Variants in SYNE3 observed in about 807,000 individuals in gnomAD.
SYNE3 encodes nesprin-3.
A neutral mutation model predicts 111.2 loss-of-function variants in SYNE3; 100 were observed. The observed-to-expected ratio is 0.90, with a 90% CI of 0.77 to 1.06. The LOEUF (loss-of-function observed/expected upper bound fraction) is 1.06. SYNE3 is among the 50% of genes least tolerant of loss of function. SYNE3 has a pLI of 0.00. For synonymous variants in SYNE3, 547 were observed against 533.9 expected, an observed-to-expected ratio of 1.02 and a Z score of -0.34; for missense variants, 1,160 against 1,240.3, an observed-to-expected ratio of 0.94 and a Z score of 0.97.
intron 2 of SYNE3, among the ~76,000 whole-genome samples, chr14:95,473,525 A>T (rs1888663582): frequency 6.6e-6 from 1 of 152,038 alleles, no homozygotes; most frequent in South Asian, 2.1e-4. Flanking sequence ...CCAGACCCAC[A>T]CAAAAAAGCA....
chr14:95,493,857 CA>C (rs1464894468), intron 1 of SYNE3, among the ~76,000 whole-genome samples: 2 of 152,250 alleles, frequency 1.3e-5, no homozygotes, highest in Non-Finnish European at 2.9e-5. Context: ...GAAAGCTACT[CA>C]ATCCAATTCA....
chr14:95,480,564 C>T (rs76587776), intron 1 of SYNE3, among the ~76,000 whole-genome samples: 3,876 of 152,262 alleles, frequency 0.025, 76 homozygotes, highest in Non-Finnish European at 0.039. Flanking sequence ...CACAGCCTCC[C>T]CAGGAATGGA....
rs145141808 is a variant in SYNE3 at position 95,455,532 on chromosome 14, G to A, written c.982C>T (p.Arg328Trp). ...EEEERLRGLLRSRGAWEQQIK... is the reference protein window; with the variant it reads ...EEEERLRGLLWSRGAWEQQIK... Reference sequence around the variant, plus strand: ...TGCTGCTCCCAGGCTCCCCTGGACCGGAGCAGGCCCCGCAGCCGCTCCTCC... The same window carrying A: ...TGCTGCTCCCAGGCTCCCCTGGACCAGAGCAGGCCCCGCAGCCGCTCCTCC... The change falls in exon 6 of 18, where the codon CGG (arginine) becomes TGG (tryptophan). Residue 328 changes from arginine (R) to tryptophan (W), a missense_variant. By Grantham distance (101) the Arg-to-Trp change is moderately radical. Coordinates refer to ENST00000682763, the MANE Select transcript of SYNE3 (RefSeq NM_152592.6). 2.4e-4 allele frequency: 390 copies of A among 1,613,926 alleles called. 1 individual carries two copies. Among genetic ancestry groups the A allele is most frequent in the African/African-American group, 1.7e-3 (131 of 75,060 alleles).
intron 1 of SYNE3, among the ~76,000 whole-genome samples, chr14:95,514,877 C>G: frequency 6.6e-6 from 1 of 152,240 alleles, no homozygotes; most frequent in East Asian, 1.9e-4. Context: ...CCCGGCAGCC[C>G]GCTCCAGGCT....
chr14:95,417,246 T>C lies in SYNE3; in HGVS notation c.*580A>G, dbSNP rs118061403. 3,181 of 161,456 alleles carry C rather than the reference T, an allele frequency of 0.02. 54 individuals are homozygous for C. Among genetic ancestry groups the C allele is most frequent in the Non-Finnish European group, 0.028 (2,016 of 72,362 alleles). 10.0% of individuals were successfully genotyped at this position (161,456 alleles called of 1,614,324 possible). Reference sequence around the variant, plus strand: ...CTCTGGTCATTGCCATTTCTACTTCTGACACGTGGCAGCTACTCTTTGTGG... The same window carrying C: ...CTCTGGTCATTGCCATTTCTACTTCCGACACGTGGCAGCTACTCTTTGTGG... On this transcript the variant is annotated 3_prime_UTR_variant, in exon 18 of 18. Transcript: ENST00000682763.
intron 1 of SYNE3, among the ~76,000 whole-genome samples, chr14:95,503,680 G>A (rs928526026): frequency 1.5e-5 from 2 of 133,918 alleles, no homozygotes; most frequent in Non-Finnish European, 3.1e-5. Flanking sequence ...GCACAGTGGT[G>A]TGATCACAGT....
chr14:95,508,728 C>G (rs574637032), intron 1 of SYNE3, among the ~76,000 whole-genome samples: 3 of 152,320 alleles, frequency 2.0e-5, no homozygotes, highest in Middle Eastern at 3.4e-3. Flanking sequence ...ATGTGAGTCC[C>G]AGGGACGCCA....
chr14:95,422,682 C>T (rs1276998031), intron 17 of SYNE3, among the ~76,000 whole-genome samples: 2 of 152,174 alleles, frequency 1.3e-5, no homozygotes, highest in East Asian at 1.9e-4. Context: ...TCCAGGCAGG[C>T]ACCAAGCGTG....
rs1016616309 is a variant in SYNE3, at chr14:95,411,829, A to C, written c.*5997T>G. ...TGGGGAGAAATCCTAGGCAGGGGGC[A>C]GGAAAGGGCAAGAGATTATCCTTGA... is the stretch of plus-strand genomic sequence containing the variant. On this transcript the variant is annotated 3_prime_UTR_variant, in exon 18 of 18. Coordinates refer to ENST00000682763, the MANE Select transcript of SYNE3 (RefSeq NM_152592.6). 2.0e-5 allele frequency: 3 copies of C among 152,346 alleles called. No homozygotes were observed. The highest frequency in any genetic ancestry group is 4.4e-5 in the Non-Finnish European group (3 of 68,108). 9.4% of individuals were successfully genotyped at this position (152,346 alleles called of 1,614,324 possible). A position where few individuals can be genotyped will look rare whatever the true frequency, so the allele number is the denominator to read the frequency against.
rs1903417809 is a variant in SYNE3 at position 95,410,906 on chromosome 14, AC to A, written c.*6919del. 1 of 152,312 alleles carries A rather than the reference AC, an allele frequency of 6.6e-6. No homozygotes were observed. The highest frequency in any genetic ancestry group is 2.4e-5 in the African/African-American group (1 of 41,410). 9.4% of individuals were successfully genotyped at this position (152,312 alleles called of 1,614,324 possible). On this transcript the variant is annotated 3_prime_UTR_variant, in exon 18 of 18. Coordinates refer to ENST00000682763, the MANE Select transcript of SYNE3 (RefSeq NM_152592.6). ...GTGGGGGGAGGTGGTAAGGAACTGGACCAATGTCACACAGCCCATCAGCAGC... is the reference window on the plus strand; with the variant it reads ...GTGGGGGGAGGTGGTAAGGAACTGGACAATGTCACACAGCCCATCAGCAGC...
At chr14:95,436,704 A>G in intron 15 of SYNE3, 116 bp downstream of exon 15, 1 of 1,250,322 alleles carries the variant, frequency 8.0e-7, no homozygotes. Context: ...ATCTATACAC[A>G]AGGGAGAACA....
At chr14:95,464,242 A>G (rs953780415) in intron 4 of SYNE3, among the ~76,000 whole-genome samples, 4 of 152,238 alleles carry the variant, frequency 2.6e-5, no homozygotes, top group Non-Finnish European at 5.9e-5. Context: ...ACACCAAGGG[A>G]AGGGATATTC....
At chr14:95,446,483 G>A (rs1886728718) in intron 8 of SYNE3, among the ~76,000 whole-genome samples, 1 of 152,144 alleles carries the variant, frequency 6.6e-6, no homozygotes, top group Admixed American at 6.5e-5. Flanking sequence ...CCCCACCACT[G>A]GCCCACCACA....
intron 1 of SYNE3, among the ~76,000 whole-genome samples, chr14:95,491,005 G>A (rs1239136611): frequency 2.6e-5 from 4 of 152,232 alleles, no homozygotes; most frequent in Admixed American, 2.6e-4. Flanking sequence ...AGAGGAGGAG[G>A]GCAGTGCTGC....
At chr14:95,461,568 A>G (rs949523182) in intron 4 of SYNE3, among the ~76,000 whole-genome samples, 3 of 152,158 alleles carry the variant, frequency 2.0e-5, no homozygotes, top group Non-Finnish European at 4.4e-5. Context: ...TCAACCCTAG[A>G]GGCTGTGCTA....
At chr14:95,452,195 A>C in intron 7 of SYNE3, 52 bp downstream of exon 7, 1 of 1,486,874 alleles carries the variant, frequency 6.7e-7, no homozygotes, top group South Asian at 1.4e-5. Context: ...AGATGGGGAA[A>C]TGTGGGTTCC....
chr14:95,419,688 A>G (rs180799346), intron 17 of SYNE3, among the ~76,000 whole-genome samples: 38 of 120,418 alleles, frequency 3.2e-4, no homozygotes, highest in African/African-American at 1.0e-3. Flanking sequence ...GTGATGCGAT[A>G]ATGATCATGA....
intron 1 of SYNE3, among the ~76,000 whole-genome samples, chr14:95,480,372 A>G (rs1889159755): frequency 6.6e-6 from 1 of 152,030 alleles, no homozygotes; most frequent in African/African-American, 2.4e-5. Context: ...TGGTTATCAC[A>G]AATGACAGCG....
At chr14:95,419,236 C>G (rs996408404) in intron 17 of SYNE3, among the ~76,000 whole-genome samples, 1 of 152,126 alleles carries the variant, frequency 6.6e-6, no homozygotes, top group African/African-American at 2.4e-5. Context: ...TTTTAGGATC[C>G]TAGCAGACTG....
Sources: gnomAD v4.1 joint callset for allele counts (sites outside exome capture counted in the v4.1 genomes callset) on GRCh38, gnomAD v4.1.1 for gene constraint, MANE v1.5 for transcripts, NCBI Gene and HGNC (gene_info 2026-07-23, HGNC 2026-07-21) for gene names.